KIF6: variants seen among roughly 807,000 people sequenced by gnomAD.
KIF6 encodes the protein kinesin family member 6, also known as kinesin-like protein KIF6.
KIF6 carries 106 observed loss-of-function variants against 112.7 expected under a neutral mutation model. That is an observed-to-expected ratio of 0.94 (90% CI 0.80 to 1.11). KIF6 has a LOEUF of 1.11. KIF6 is among the 50% of genes least tolerant of loss of function. The probability of loss-of-function intolerance (pLI) is 0.00; values close to 1 mark genes in which losing one functional copy is unlikely to be tolerated. For missense variants in KIF6, 929 were observed against 964.0 expected, an observed-to-expected ratio of 0.96 and a Z score of 0.48; for synonymous variants, 339 against 339.9, an observed-to-expected ratio of 1.00 and a Z score of 0.03.
At chr6:39,527,989 T>C (rs7771470) in intron 13 of KIF6, among the ~76,000 whole-genome samples, 34,657 of 152,116 alleles carry the variant, frequency 0.23, 4,762 homozygotes, top group African/African-American at 0.37. Context: ...ATTTGAAATT[T>C]ACTCTGTCAG....
chr6:39,626,440 G>A (rs541279855), intron 5 of KIF6, among the ~76,000 whole-genome samples: 8 of 152,206 alleles, frequency 5.3e-5, no homozygotes, highest in Admixed American at 5.2e-4. Flanking sequence ...AAGAACACCA[G>A]CACCCCCAGC....
intron 12 of KIF6, among the ~76,000 whole-genome samples, chr6:39,542,715 T>C (rs1778854846): frequency 6.6e-6 from 1 of 152,214 alleles, no homozygotes; most frequent in Non-Finnish European, 1.5e-5. Flanking sequence ...GCTTATTGTC[T>C]TCATAGTCAT....
intron 20 of KIF6, among the ~76,000 whole-genome samples, chr6:39,346,080 CTCTCT>C (rs1763718507): frequency 4.8e-5 from 1 of 20,948 alleles, no homozygotes; most frequent in South Asian, 1.4e-3. Flanking sequence ...CTCTCTCTCT[CTCTCT>C]CCCCCCCCTC....
chr6:39,516,003 T>A (rs952750401), intron 13 of KIF6, among the ~76,000 whole-genome samples: 1 of 152,224 alleles, frequency 6.6e-6, no homozygotes, highest in African/African-American at 2.4e-5. Flanking sequence ...TGAAATGTAT[T>A]GAGCACCCAC....
At chr6:39,458,628 G>A (rs1325345756) in intron 13 of KIF6, among the ~76,000 whole-genome samples, 23 of 140,550 alleles carry the variant, frequency 1.6e-4, no homozygotes, top group Non-Finnish European at 2.6e-4. Flanking sequence ...AAACCCCATC[G>A]TCTCAGCCCA....
chr6:39,546,817 C>A (rs1165256373), intron 10 of KIF6, among the ~76,000 whole-genome samples: 2 of 139,446 alleles, frequency 1.4e-5, no homozygotes, highest in African/African-American at 2.9e-5. Flanking sequence ...AAGAACAAGA[C>A]CCTGTCTCAA....
At chr6:39,576,454 T>C (rs1780980599) in intron 10 of KIF6, among the ~76,000 whole-genome samples, 3 of 152,184 alleles carry the variant, frequency 2.0e-5, no homozygotes, top group South Asian at 2.1e-4. Flanking sequence ...AGTTTCCCCC[T>C]TCCCATCTTT....
At chr6:39,428,078 T>A (rs1486038248) in intron 14 of KIF6, among the ~76,000 whole-genome samples, 8 of 152,196 alleles carry the variant, frequency 5.3e-5, no homozygotes, top group African/African-American at 1.9e-4. Context: ...GGATTCTGGA[T>A]CTCATGGTTT....
chr6:39,481,992 A>G (rs1774825601), intron 13 of KIF6, among the ~76,000 whole-genome samples: 1 of 149,086 alleles, frequency 6.7e-6, no homozygotes. Flanking sequence ...AGATAAAGAC[A>G]ACGGGACCTT....
chr6:39,441,477 G>T (rs528278378), intron 13 of KIF6, among the ~76,000 whole-genome samples: 1 of 152,296 alleles, frequency 6.6e-6, no homozygotes, highest in South Asian at 2.1e-4. Flanking sequence ...TCACTGAGGA[G>T]CCCTCCATTC....
intron 5 of KIF6, among the ~76,000 whole-genome samples, chr6:39,617,361 G>T (rs1783575471): frequency 6.6e-6 from 1 of 152,138 alleles, no homozygotes; most frequent in South Asian, 2.1e-4. Flanking sequence ...AATAATGGAA[G>T]CTATCAATGA....
intron 13 of KIF6, among the ~76,000 whole-genome samples, chr6:39,454,662 C>T (rs1183792204): frequency 6.6e-6 from 1 of 152,132 alleles, no homozygotes; most frequent in African/African-American, 2.4e-5. Flanking sequence ...AGTGGGTGCG[C>T]ACACCGTGCG....
intron 19 of KIF6, among the ~76,000 whole-genome samples, chr6:39,350,475 G>A (rs540625082): frequency 2.0e-5 from 3 of 152,218 alleles, no homozygotes; most frequent in African/African-American, 7.2e-5. Flanking sequence ...CCTGTAAAGT[G>A]GGGGACCATG....
intron 13 of KIF6, among the ~76,000 whole-genome samples, chr6:39,539,110 T>A (rs2150560389): frequency 6.7e-6 from 1 of 150,298 alleles, no homozygotes; most frequent in Non-Finnish European, 1.5e-5. Context: ...GAGATATACC[T>A]AATGCTAAAT....
intron 3 of KIF6, among the ~76,000 whole-genome samples, chr6:39,684,884 A>C (rs1787765428): frequency 6.6e-6 from 1 of 152,196 alleles, no homozygotes; most frequent in African/African-American, 2.4e-5. Flanking sequence ...TTAAAGATCA[A>C]ATAGGACAAG....
At chr6:39,375,089 T>C (rs1766326188) in intron 16 of KIF6, among the ~76,000 whole-genome samples, 1 of 152,226 alleles carries the variant, frequency 6.6e-6, no homozygotes, top group Admixed American at 6.5e-5. Context: ...GAGGACATTA[T>C]GCTAAGTTAA....
chr6:39,348,710 A>C (rs552405345), intron 19 of KIF6, among the ~76,000 whole-genome samples: 45 of 152,146 alleles, frequency 3.0e-4, no homozygotes, highest in African/African-American at 9.7e-4. Flanking sequence ...TGCCAATCAG[A>C]GTGTTTAGTG....
chr6:39,594,967 A>G (rs1038790794), intron 7 of KIF6, among the ~76,000 whole-genome samples: 1 of 152,116 alleles, frequency 6.6e-6, no homozygotes, highest in Non-Finnish European at 1.5e-5. Context: ...CATTTTAGAG[A>G]TGAATTTTTT....
At chr6:39,601,711 GACACACACAC>G (rs10532285) in intron 6 of KIF6, among the ~76,000 whole-genome samples, 6 of 147,484 alleles carry the variant, frequency 4.1e-5, no homozygotes, top group East Asian at 2.0e-4. Context: ...ATTTCTTTGG[GACACACACAC>G]ACACACACAC....
Sources: allele counts gnomAD v4.1 joint callset (sites outside exome capture counted in the v4.1 genomes callset), GRCh38; gene constraint gnomAD v4.1.1; transcripts MANE v1.5; gene names NCBI Gene and HGNC (gene_info 2026-07-23, HGNC 2026-07-21).